WDPCP: variants seen among roughly 807,000 people sequenced by gnomAD.
The protein encoded by WDPCP is WD repeat containing planar cell polarity effector, also known as WD repeat-containing and planar cell polarity effector protein fritz homolog.
WDPCP carries 71 observed loss-of-function variants against 93.1 expected under a neutral mutation model. That is an observed-to-expected ratio of 0.76 (90% CI 0.63 to 0.93). The LOEUF (loss-of-function observed/expected upper bound fraction) is 0.93. Ranked by LOEUF, WDPCP falls within the 40% of genes least tolerant of loss-of-function variation. WDPCP has a pLI of 0.00. For synonymous variants in WDPCP, 315 were observed against 315.0 expected (o/e 1.00, Z 0.00); for missense variants, 844 against 887.4 (o/e 0.95, Z 0.62).
At chr2:63,299,833 T>C (rs1240668129) in intron 13 of WDPCP, among the ~76,000 whole-genome samples, 2 of 152,024 alleles carry the variant, frequency 1.3e-5, no homozygotes, top group South Asian at 4.2e-4. Flanking sequence ...TTCTGTTTAA[T>C]AAAAAGCAGC....
intron 2 of WDPCP, among the ~76,000 whole-genome samples, chr2:63,748,862 T>C (rs1470291331): frequency 1.3e-5 from 2 of 152,078 alleles, no homozygotes; most frequent in Non-Finnish European, 2.9e-5. Context: ...ACTGAGATGA[T>C]GGTGGGATAC....
chr2:63,172,034 G>A (rs1673429229), intron 15 of WDPCP, among the ~76,000 whole-genome samples: 1 of 152,146 alleles, frequency 6.6e-6, no homozygotes, highest in Non-Finnish European at 1.5e-5. Flanking sequence ...TTTGCCTCAG[G>A]CTGGGTTAGG....
intron 12 of WDPCP, among the ~76,000 whole-genome samples, chr2:63,376,350 A>T (rs545304534): frequency 6.6e-6 from 1 of 152,088 alleles, no homozygotes; most frequent in African/African-American, 2.4e-5. Context: ...TAATTTTGAT[A>T]ACAATAATAG....
chr2:63,775,197 G>C (rs1006116656), intron 2 of WDPCP, among the ~76,000 whole-genome samples: 1 of 152,176 alleles, frequency 6.6e-6, no homozygotes, highest in African/African-American at 2.4e-5. Context: ...CTGAAATGAA[G>C]ATTATTTACC....
At chr2:63,655,214 C>A (rs1021117522) in intron 2 of WDPCP, among the ~76,000 whole-genome samples, 22 of 152,148 alleles carry the variant, frequency 1.4e-4, no homozygotes, top group African/African-American at 4.3e-4. Flanking sequence ...AAGTGTGACT[C>A]ATAACTCACA....
intron 2 of WDPCP, among the ~76,000 whole-genome samples, chr2:63,786,503 A>G (rs1281372687): frequency 6.6e-6 from 1 of 152,172 alleles, no homozygotes; most frequent in Non-Finnish European, 1.5e-5. Flanking sequence ...TTTGTTCACA[A>G]TACTGCCAGT....
chr2:63,522,099 A>G (rs1189583372), intron 1 of WDPCP, among the ~76,000 whole-genome samples: 2 of 152,028 alleles, frequency 1.3e-5, no homozygotes, highest in East Asian at 3.9e-4. Context: ...CTTGTTACAT[A>G]GGTATACACG....
intron 14 of WDPCP, among the ~76,000 whole-genome samples, chr2:63,210,288 T>C (rs1318180589): frequency 6.6e-6 from 1 of 152,096 alleles, no homozygotes; most frequent in Non-Finnish European, 1.5e-5. Context: ...CTAGAAACCT[T>C]TGGAATTCTG....
intron 2 of WDPCP, among the ~76,000 whole-genome samples, chr2:63,665,696 G>A: frequency 6.6e-6 from 1 of 152,202 alleles, no homozygotes; most frequent in South Asian, 2.1e-4. Flanking sequence ...CAACTAGGAG[G>A]TGGCTGGAGA....
At chr2:63,626,799 A>T (rs1465027720) in intron 3 of WDPCP, among the ~76,000 whole-genome samples, 2 of 151,738 alleles carry the variant, frequency 1.3e-5, no homozygotes, top group Admixed American at 6.6e-5. Context: ...CCAGAAATAC[A>T]ATACATCACA....
intron 2 of WDPCP, among the ~76,000 whole-genome samples, chr2:63,737,859 A>G (rs1669660057): frequency 6.6e-6 from 1 of 152,250 alleles, no homozygotes; most frequent in Non-Finnish European, 1.5e-5. Flanking sequence ...GAATCTGGCC[A>G]GATGATTTTT....
chr2:63,632,774 A>AAG (rs1491342979), intron 3 of WDPCP, among the ~76,000 whole-genome samples: 8 of 152,132 alleles, frequency 5.3e-5, no homozygotes, highest in Middle Eastern at 3.4e-3. Context: ...GCAGAAGGAG[A>AAG]AGAGAGAGAG....
chr2:63,678,444 T>C (rs1412638043), intron 2 of WDPCP, among the ~76,000 whole-genome samples: 1 of 152,206 alleles, frequency 6.6e-6, no homozygotes, highest in African/African-American at 2.4e-5. Context: ...GATTTATCTT[T>C]CCAGCCTCTA....
intron 2 of WDPCP, among the ~76,000 whole-genome samples, chr2:63,709,079 A>G (rs1390148066): frequency 7.0e-6 from 1 of 143,782 alleles, no homozygotes; most frequent in Non-Finnish European, 1.5e-5. Context: ...AAAAAAAAAA[A>G]AAAATGACCC....
intron 14 of WDPCP, among the ~76,000 whole-genome samples, chr2:63,219,986 A>C (rs1377620672): frequency 1.3e-5 from 2 of 152,230 alleles, no homozygotes; most frequent in South Asian, 4.1e-4. Context: ...TGGGCGACAG[A>C]GTGAGGCTCT....
chr2:63,371,136 A>G (rs1351286090), intron 12 of WDPCP, among the ~76,000 whole-genome samples: 11 of 152,104 alleles, frequency 7.2e-5, no homozygotes. Context: ...TTCTTTCTGG[A>G]GTCTTATCAA....
chr2:63,603,977 T>C (rs1486676457), intron 3 of WDPCP, among the ~76,000 whole-genome samples: 1 of 152,220 alleles, frequency 6.6e-6, no homozygotes, highest in East Asian at 1.9e-4. Flanking sequence ...CTTTCTAACC[T>C]TTTTTGTGGC....
At chr2:63,420,581 G>A (rs1229274899) in intron 9 of WDPCP, among the ~76,000 whole-genome samples, 1 of 151,222 alleles carries the variant, frequency 6.6e-6, no homozygotes, top group Non-Finnish European at 1.5e-5. Context: ...TAAAGTTAAG[G>A]CCTGCCAAAT....
intron 6 of WDPCP, among the ~76,000 whole-genome samples, chr2:63,471,359 C>G (rs1699680043): frequency 6.6e-6 from 1 of 152,162 alleles, no homozygotes; most frequent in Non-Finnish European, 1.5e-5. Context: ...AGTTATAACC[C>G]AATTCTTGGA....
Sources: allele counts gnomAD v4.1 joint callset (sites outside exome capture counted in the v4.1 genomes callset), GRCh38; gene constraint gnomAD v4.1.1; transcripts MANE v1.5; gene names NCBI Gene and HGNC (gene_info 2026-07-23, HGNC 2026-07-21).